Variants in KIR2DL1 observed in about 807,000 individuals in gnomAD.
KIR2DL1 encodes the protein killer cell immunoglobulin-like receptor 2DL1.
KIR2DL1 carries 38 observed loss-of-function variants against 33.9 expected under a neutral mutation model. That is an observed-to-expected ratio of 1.12 (90% confidence interval 0.86 to 1.47). KIR2DL1 has a LOEUF of 1.47. KIR2DL1 is among the 40% of genes most tolerant of loss of function. KIR2DL1 has a pLI of 0.00. For missense variants in KIR2DL1, 531 were observed against 433.9 expected, an observed-to-expected ratio of 1.22 and a Z score of -1.99; for synonymous variants, 179 against 165.9, an observed-to-expected ratio of 1.08 and a Z score of -0.61.
Position 54,783,492 on chromosome 19 carries a change from C to A in KIR2DL1, c.824C>A (p.Ala275Glu), listed in dbSNP as rs757909487. Residue 275 changes from alanine to glutamate, a missense_variant, in exon 7 of 8, where the codon GCG (alanine) becomes GAG (glutamate). Coordinates refer to ENST00000336077, the MANE Select transcript of KIR2DL1 (RefSeq NM_014218.3). ...HRWCSNKKNAAVMDQESAGNR... is the reference protein window; with the variant it reads ...HRWCSNKKNAEVMDQESAGNR... ...TGACTTCCATCTTCTACAGATGCTG[C>A]GGTAATGGACCAAGAGTCTGCAGGA... 1 of 1,613,220 alleles carries A rather than the reference C, an allele frequency of 6.2e-7. No homozygotes were observed. Among genetic ancestry groups the A allele is most frequent in the East Asian group, 2.2e-5 (1 of 44,876 alleles).
chr19:54,775,125 A>G (rs2984164), intron 3 of KIR2DL1, 40 bp from the exon 4 acceptor site: 394,075 of 1,410,336 alleles, frequency 0.28, 54,326 homozygotes, highest in South Asian at 0.44. Flanking sequence ...GCTGTGACAA[A>G]GAAGATCCTC....
intron 5 of KIR2DL1, among the ~76,000 whole-genome samples, chr19:54,782,029 T>C (rs946517336): frequency 2.6e-5 from 4 of 151,990 alleles, no homozygotes; most frequent in African/African-American, 9.7e-5. Flanking sequence ...TACTAACAGA[T>C]AAGCAGCGAG....
rs1400353179 is a variant in KIR2DL1, at chr19:54,771,035, C to G, written c.70+151C>G. 1.7e-6 allele frequency: 2 copies of G among 1,207,804 alleles called. 1 individual carries two copies. Among genetic ancestry groups the G allele is most frequent in the Non-Finnish European group, 2.4e-6 (2 of 839,658 alleles). 74.8% of individuals were successfully genotyped at this position (1,207,804 alleles called of 1,614,324 possible). A position where few individuals can be genotyped will look rare whatever the true frequency, so the allele number is the denominator to read the frequency against. Reference sequence around the variant, plus strand: ...CACATTTCTGACCTTGCCTCCCTGGCCTTTCATTCCCTTGGCAGAGTCAAG... The same window carrying G: ...CACATTTCTGACCTTGCCTCCCTGGGCTTTCATTCCCTTGGCAGAGTCAAG... On this transcript the variant is annotated intron_variant, in intron 2 of 7. Transcript: ENST00000336077.
rs1277456777 is a variant in KIR2DL1 at position 54,770,425 on chromosome 19, G to A, written c.35-424G>A. ...TGCCTAGGATGGAGATACGGGCCTGGGTGTGGAGATATGGGACTGGAGAGG... is the reference window on the plus strand; with the variant it reads ...TGCCTAGGATGGAGATACGGGCCTGAGTGTGGAGATATGGGACTGGAGAGG... On this transcript the variant is annotated intron_variant, in intron 1 of 7. Transcript: ENST00000336077. 6.5e-4 allele frequency among the ~76,000 whole-genome samples: 95 copies of A among 146,012 alleles called. 7 individuals carry two copies. The highest frequency in any genetic ancestry group is 1.2e-3 in the Non-Finnish European group (78 of 65,282).
intron 4 of KIR2DL1, among the ~76,000 whole-genome samples, chr19:54,776,288 T>C (rs192183571): frequency 0.092 from 12,474 of 135,086 alleles, 3 homozygotes; most frequent in Middle Eastern, 0.17. Flanking sequence ...TTTCTTCCTG[T>C]CCTCCAGTAG....
Position 54,773,573 on chromosome 19 carries a change from T to G in KIR2DL1, c.311T>G (p.Val104Gly). Residue 104 changes from valine to glycine, a missense_variant, in exon 3 of 8, where the codon GTT becomes GGT. Physicochemically the swap from Val to Gly is moderately radical, Grantham distance 109 (BLOSUM62 -3). Transcript: ENST00000336077. ...GGGACCTACAGATGCTACGGTTCTG[T>G]TACTCACTCCCCCTATCAGGTGTCA... is the stretch of plus-strand genomic sequence containing the variant. Reference protein sequence around the residue: ...LAGTYRCYGSVTHSPYQVSAP... With the variant: ...LAGTYRCYGSGTHSPYQVSAP... 6.3e-7 allele frequency: 1 copy of G among 1,581,334 alleles called. No individual in the cohort carries two copies. The highest frequency in any genetic ancestry group is 8.7e-7 in the Non-Finnish European group (1 of 1,154,048).
At chr19:54,781,878 TG>T (rs1363827389) in intron 5 of KIR2DL1, among the ~76,000 whole-genome samples, 2 of 152,138 alleles carry the variant, frequency 1.3e-5, no homozygotes, top group Non-Finnish European at 2.9e-5. Flanking sequence ...ACATTCGCTG[TG>T]AATCAATCCC....
intron 4 of KIR2DL1, among the ~76,000 whole-genome samples, chr19:54,776,026 G>A (rs2076291095): frequency 6.8e-6 from 1 of 146,038 alleles, no homozygotes; most frequent in Non-Finnish European, 1.5e-5. Context: ...TGAGTAGCTA[G>A]TGCTACAGGC....
chr19:54,783,090 G>T lies in KIR2DL1; in HGVS notation c.817+67G>T. ...TGGGGAAGCAGGATGGGAGCACTCA[G>T]GTGTGTGTTCCTCACAAACAGGATG... On this transcript the variant is annotated intron_variant, in intron 6 of 7. Transcript: ENST00000336077. 3.3e-6 allele frequency: 5 copies of T among 1,533,408 alleles called. No homozygotes were observed. The East Asian group carries it at 1.1e-4, about 35-fold the overall frequency. The allele number at this position is 1,533,408 out of a possible 1,614,324, so 95.0% of individuals were successfully genotyped here.
rs1459209161 is a variant in KIR2DL1 at position 54,782,018 on chromosome 19, T to C, written c.716-904T>C. Reference sequence around the variant, plus strand: ...AGAATACGTTACATAGGCAGGTTCATTACTAACAGATAAGCAGCGAGTGAC... The same window carrying C: ...AGAATACGTTACATAGGCAGGTTCACTACTAACAGATAAGCAGCGAGTGAC... On this transcript the variant is annotated intron_variant, in intron 5 of 7. Coordinates refer to ENST00000336077, the MANE Select transcript of KIR2DL1 (RefSeq NM_014218.3). Among the ~76,000 whole-genome samples, 4 of 152,000 alleles carry C rather than the reference T, an allele frequency of 2.6e-5. No individual in the cohort carries two copies. In the East Asian group the frequency reaches 7.7e-4, roughly 29 times the overall value.
At chr19:54,776,932 T>A (rs586191) in intron 4 of KIR2DL1, among the ~76,000 whole-genome samples, 26,243 of 124,018 alleles carry the variant, frequency 0.21, 122 homozygotes, top group South Asian at 0.28. Flanking sequence ...ATGATCCACC[T>A]CACCCAACCT....
At chr19:54,779,320 G>C (rs1259813497) in intron 5 of KIR2DL1, among the ~76,000 whole-genome samples, 3 of 148,958 alleles carry the variant, frequency 2.0e-5, no homozygotes, top group Non-Finnish European at 4.5e-5. Context: ...AAATCAAGGT[G>C]ACAGCAAGGC....
At chr19:54,778,903 C>A (rs1258463600) in intron 5 of KIR2DL1, among the ~76,000 whole-genome samples, 1 of 148,576 alleles carries the variant, frequency 6.7e-6, no homozygotes, top group South Asian at 2.1e-4. Context: ...GATTGCCAAT[C>A]TGACATCCTT....
chr19:54,770,837 CT>C lies in KIR2DL1; in HGVS notation c.35-9del, dbSNP rs1446915768. 6.3e-7 allele frequency: 1 copy of C among 1,584,326 alleles called. No individual in the cohort carries two copies. The highest frequency in any genetic ancestry group is 8.6e-7 in the Non-Finnish European group (1 of 1,156,402). The stretch of plus-strand genomic sequence containing the variant: ...CTGCAGATGGGTCATCCATCATGAT[CT>C]TTCTTTCCAGGGTTCTTCTTGCTGC... On this transcript the variant is annotated splice_polypyrimidine_tract_variant and intron_variant, in intron 1 of 7. Coordinates refer to ENST00000336077, the MANE Select transcript of KIR2DL1 (RefSeq NM_014218.3).
At chr19:54,777,010 A>C (rs1303999620) in intron 4 of KIR2DL1, among the ~76,000 whole-genome samples, 4 of 151,644 alleles carry the variant, frequency 2.6e-5, no homozygotes, top group African/African-American at 9.7e-5. Context: ...CACTCCTCCC[A>C]ACAGGGTACC....
Position 54,782,912 on chromosome 19 carries a change from C to A in KIR2DL1, c.716-10C>A. 2 of 1,612,324 alleles carry A rather than the reference C, an allele frequency of 1.2e-6. No homozygotes were observed. The highest frequency in any genetic ancestry group is 1.1e-5 in the South Asian group (1 of 91,056). On this transcript the variant is annotated splice_polypyrimidine_tract_variant and intron_variant, in intron 5 of 7. Coordinates refer to ENST00000336077, the MANE Select transcript of KIR2DL1 (RefSeq NM_014218.3). ...GATTAGCTTCTTATTGGTGTCTCAT[C>A]TTCTTCCAGGTAACCCCCGACACCT...
intron 5 of KIR2DL1, among the ~76,000 whole-genome samples, chr19:54,781,545 T>C (rs1256131231): frequency 1.3e-5 from 2 of 150,550 alleles, no homozygotes; most frequent in African/African-American, 4.9e-5. Context: ...TGAGTCCAGA[T>C]CTTGGAATCA....
At chr19:54,772,537 G>C (rs2075858393) in intron 2 of KIR2DL1, among the ~76,000 whole-genome samples, 1 of 145,540 alleles carries the variant, frequency 6.9e-6, no homozygotes, top group African/African-American at 2.5e-5. Flanking sequence ...TCAAGGACAA[G>C]TTAAGAAACA....
In KIR2DL1 at chr19:54,783,953, A is replaced by T. The variant is rs2077383377; in HGVS notation, c.*140A>T. On this transcript the variant is annotated 3_prime_UTR_variant, in exon 8 of 8. Coordinates refer to ENST00000336077, the MANE Select transcript of KIR2DL1 (RefSeq NM_014218.3). ...TTAGGGCATCGATCTTCCTCACACC[A>T]CAAATCTGAATGTGCCTCTCTCTTG... The T allele has an allele frequency of 7.9e-7, 1 of 1,270,010 alleles. No homozygotes were observed. The allele number at this position is 1,270,010 out of a possible 1,614,324, so 78.7% of individuals were successfully genotyped here. A position where few individuals can be genotyped will look rare whatever the true frequency, so the allele number is the denominator to read the frequency against.
Sources: allele counts gnomAD v4.1 joint callset (sites outside exome capture counted in the v4.1 genomes callset), GRCh38; gene constraint gnomAD v4.1.1; transcripts MANE v1.5; gene names NCBI Gene and HGNC (gene_info 2026-07-23, HGNC 2026-07-21).